PCDH15: variants seen among roughly 807,000 people sequenced by gnomAD.
The protein encoded by PCDH15 is protocadherin-15.
In PCDH15, 129 loss-of-function variants were observed where a neutral mutation model predicts 178.5. That is an observed-to-expected ratio of 0.72 (90% CI 0.63 to 0.84). The LOEUF (loss-of-function observed/expected upper bound fraction) is 0.84, where lower values mean the gene tolerates loss of function less well. Among genes scored for constraint, PCDH15 ranks in the 40% least tolerant of loss-of-function variants. The pLI is 0.00. For missense variants in PCDH15, 2,230 were observed against 2,099.9 expected (o/e 1.06, Z -1.21); for synonymous variants, 800 against 732.0 (o/e 1.09, Z -1.50).
At chr10:54,500,685 C>G (rs2080588571) in intron 3 of PCDH15, among the ~76,000 whole-genome samples, 1 of 151,982 alleles carries the variant, frequency 6.6e-6, no homozygotes. Context: ...CAAAAATTAG[C>G]TGGGTATGGT....
At chr10:53,952,905 C>G (rs558023326) in intron 23 of PCDH15, among the ~76,000 whole-genome samples, 16 of 152,232 alleles carry the variant, frequency 1.1e-4, no homozygotes, top group Non-Finnish European at 2.2e-4. Flanking sequence ...GACAGCTTTG[C>G]TCTGAAATTG....
intron 1 of PCDH15, among the ~76,000 whole-genome samples, chr10:54,706,484 A>G (rs528436754): frequency 1.3e-5 from 2 of 152,284 alleles, no homozygotes; most frequent in African/African-American, 2.4e-5. Flanking sequence ...AAAATTCCTT[A>G]GATGGTATGG....
intron 2 of PCDH15, among the ~76,000 whole-genome samples, chr10:55,574,541 G>A (rs1347065248): frequency 6.6e-6 from 1 of 151,998 alleles, no homozygotes; most frequent in East Asian, 1.9e-4. Context: ...AGGCAGTGGG[G>A]AATATTTTAT....
At chr10:54,704,552 A>G (rs909338361) in intron 1 of PCDH15, among the ~76,000 whole-genome samples, 3 of 152,206 alleles carry the variant, frequency 2.0e-5, no homozygotes, top group Non-Finnish European at 4.4e-5. Context: ...GAAGACATAC[A>G]TGCAGCTAAC....
chr10:54,608,775 G>C (rs557080514), intron 2 of PCDH15, among the ~76,000 whole-genome samples: 1 of 151,582 alleles, frequency 6.6e-6, no homozygotes, highest in South Asian at 2.1e-4. Flanking sequence ...GTAAAATACA[G>C]TCATTTGTTT....
At chr10:54,610,183 T>C (rs1262948034) in intron 2 of PCDH15, among the ~76,000 whole-genome samples, 2 of 151,690 alleles carry the variant, frequency 1.3e-5, no homozygotes, top group Non-Finnish European at 2.9e-5. Context: ...CAGATCTCGA[T>C]TTTTTCAAAT....
At chr10:54,381,176 A>G (rs936685390) in intron 3 of PCDH15, among the ~76,000 whole-genome samples, 2 of 152,084 alleles carry the variant, frequency 1.3e-5, no homozygotes, top group Non-Finnish European at 2.9e-5. Context: ...GGAGCAATAT[A>G]CATATTTTTT....
intron 3 of PCDH15, among the ~76,000 whole-genome samples, chr10:54,507,991 A>G (rs1035687902): frequency 1.3e-5 from 2 of 152,028 alleles, no homozygotes; most frequent in Non-Finnish European, 2.9e-5. Context: ...TCTCTACTGT[A>G]TACCAGAAGC....
chr10:55,536,473 A>C (rs1841580563), intron 2 of PCDH15, among the ~76,000 whole-genome samples: 1 of 152,126 alleles, frequency 6.6e-6, no homozygotes, highest in Non-Finnish European at 1.5e-5. Flanking sequence ...TCTACTGAAA[A>C]ATTGAATATT....
At chr10:54,379,339 A>G (rs961686027) in intron 3 of PCDH15, among the ~76,000 whole-genome samples, 1 of 152,188 alleles carries the variant, frequency 6.6e-6, no homozygotes, top group Non-Finnish European at 1.5e-5. Context: ...ATGTGAAAAA[A>G]AGATATTGTG....
chr10:54,691,293 T>A (rs1343979188), intron 1 of PCDH15, among the ~76,000 whole-genome samples: 1 of 152,096 alleles, frequency 6.6e-6, no homozygotes, highest in Non-Finnish European at 1.5e-5. Flanking sequence ...ACATAGTTCC[T>A]TGCTGCTTTA....
At chr10:55,136,839 C>T (rs928749337) in intron 2 of PCDH15, among the ~76,000 whole-genome samples, 1 of 152,058 alleles carries the variant, frequency 6.6e-6, no homozygotes, top group Non-Finnish European at 1.5e-5. Context: ...CTAAAATAAA[C>T]AATTAGGTGT....
chr10:54,351,601 C>T (rs1483675746), intron 5 of PCDH15, among the ~76,000 whole-genome samples: 1 of 152,140 alleles, frequency 6.6e-6, no homozygotes, highest in African/African-American at 2.4e-5. Flanking sequence ...GGCCTCTATA[C>T]TGGAATACTG....
chr10:55,268,507 T>C (rs1370971578), intron 1 of PCDH15, among the ~76,000 whole-genome samples: 4 of 152,160 alleles, frequency 2.6e-5, no homozygotes, highest in African/African-American at 9.7e-5. Context: ...AATGGTTGCT[T>C]TCAAGGAAAT....
chr10:55,443,703 A>C (rs1839248952), intron 2 of PCDH15, among the ~76,000 whole-genome samples: 1 of 152,194 alleles, frequency 6.6e-6, no homozygotes, highest in Non-Finnish European at 1.5e-5. Flanking sequence ...AAATAAGTTC[A>C]ACCATCGTTG....
chr10:54,896,510 G>T lies in PCDH15; in HGVS notation c.-29+940C>A, dbSNP rs1954547470. Among the ~76,000 whole-genome samples, 4 of 67,712 alleles carry T rather than the reference G, an allele frequency of 5.9e-5. No homozygotes were observed. In the South Asian group the frequency reaches 2.3e-3, roughly 39 times the overall value. 44.4% of individuals were successfully genotyped at this position (67,712 alleles called of 152,430 possible). ...GATTAAGGTGCAACTGAATTTCCCAGCGGAAAAAAAAAAAATAGCTTAGCT... is the reference window on the plus strand; with the variant it reads ...GATTAAGGTGCAACTGAATTTCCCATCGGAAAAAAAAAAAATAGCTTAGCT... On this transcript the variant is annotated intron_variant, in intron 3 of 5. Coordinates refer to the PCDH15 transcript ENST00000458638.
chr10:55,618,358 T>C (rs1843520075), intron 2 of PCDH15, among the ~76,000 whole-genome samples: 1 of 152,086 alleles, frequency 6.6e-6, no homozygotes, highest in South Asian at 2.1e-4. Flanking sequence ...CTATTAATGC[T>C]GAGAAACTGA....
chr10:54,056,148 G>A (rs1245348928), intron 18 of PCDH15, among the ~76,000 whole-genome samples: 4 of 152,036 alleles, frequency 2.6e-5, no homozygotes, highest in Admixed American at 1.3e-4. Flanking sequence ...ATATTTATGG[G>A]GTACATGTGA....
intron 18 of PCDH15, among the ~76,000 whole-genome samples, chr10:54,045,658 G>T (rs984593475): frequency 2.0e-5 from 3 of 150,522 alleles, no homozygotes; most frequent in African/African-American, 4.9e-5. Context: ...TATTTATATA[G>T]AAGAAAACAA....
Sources: gnomAD v4.1 joint callset for allele counts (sites outside exome capture counted in the v4.1 genomes callset) on GRCh38, gnomAD v4.1.1 for gene constraint, MANE v1.5 for transcripts, NCBI Gene and HGNC (gene_info 2026-07-23, HGNC 2026-07-21) for gene names.